DDX10: variants seen among roughly 807,000 people sequenced by gnomAD.
The protein encoded by DDX10 is probable ATP-dependent RNA helicase DDX10.
DDX10 carries 74 observed loss-of-function variants against 104.3 expected under a neutral mutation model. The ratio of observed to expected loss-of-function variants is 0.71; its 90% confidence interval spans 0.59 to 0.86. The LOEUF (loss-of-function observed/expected upper bound fraction) is 0.86. DDX10 is among the 40% of genes least tolerant of loss of function. The pLI is 0.00. For synonymous variants in DDX10, 351 were observed against 353.4 expected, an observed-to-expected ratio of 0.99 and a Z score of 0.08; for missense variants, 952 against 1,040.0, an observed-to-expected ratio of 0.92 and a Z score of 1.16.
chr11:108,668,795 A>C, intron 1 of DDX10, among the ~76,000 whole-genome samples: 1 of 152,202 alleles, frequency 6.6e-6, no homozygotes, highest in Admixed American at 6.5e-5. Context: ...ACGTTATATT[A>C]GTATGCATAA....
At chr11:108,812,205 A>G (rs1862192160) in intron 13 of DDX10, among the ~76,000 whole-genome samples, 1 of 152,216 alleles carries the variant, frequency 6.6e-6, no homozygotes, top group East Asian at 1.9e-4. Flanking sequence ...AACAAAATCA[A>G]TAACTAAGAC....
intron 10 of DDX10, among the ~76,000 whole-genome samples, chr11:108,712,821 C>G (rs1378133418): frequency 6.7e-6 from 1 of 149,818 alleles, no homozygotes; most frequent in Non-Finnish European, 1.5e-5. Flanking sequence ...TTTTTTCTCT[C>G]TAAAGAACTT....
At chr11:108,767,286 C>T (rs753535677) in intron 13 of DDX10, 1 of 152,204 alleles carries the variant, frequency 6.6e-6, no homozygotes, top group Non-Finnish European at 1.5e-5. Context: ...TAAGGAAATT[C>T]ATTTTCTCCA....
chr11:108,804,286 G>C (rs867102589), intron 13 of DDX10, among the ~76,000 whole-genome samples: 6 of 151,952 alleles, frequency 3.9e-5, no homozygotes, highest in African/African-American at 9.7e-5. Flanking sequence ...TTGCTTGAGC[G>C]TAGGGGCTTG....
At chr11:108,708,564 T>A (rs935570527) in intron 10 of DDX10, among the ~76,000 whole-genome samples, 1 of 137,986 alleles carries the variant, frequency 7.2e-6, no homozygotes, top group Non-Finnish European at 1.6e-5. Context: ...AAATTGGTGT[T>A]CATAGTATTT....
intron 6 of DDX10, among the ~76,000 whole-genome samples, chr11:108,680,707 A>T (rs2094233678): frequency 6.6e-6 from 1 of 152,214 alleles, no homozygotes; most frequent in Admixed American, 6.5e-5. Flanking sequence ...TTGCTCTGAA[A>T]TGTTAGCCTA....
chr11:108,735,969 A>C (rs1412029767), intron 13 of DDX10, among the ~76,000 whole-genome samples: 1 of 152,192 alleles, frequency 6.6e-6, no homozygotes, highest in Non-Finnish European at 1.5e-5. Context: ...CTTATAAAAT[A>C]AGTGTAAGAT....
chr11:108,915,598 A>G (rs1863737462), intron 16 of DDX10, among the ~76,000 whole-genome samples: 1 of 152,178 alleles, frequency 6.6e-6, no homozygotes, highest in South Asian at 2.1e-4. Flanking sequence ...TAACCAATGT[A>G]TGATGTTACA....
Position 108,709,402 on chromosome 11 carries a change from G to A in DDX10, c.1322+2565G>A, listed in dbSNP as rs149364708. On this transcript the variant is annotated intron_variant, in intron 10 of 17. Coordinates refer to ENST00000322536, the MANE Select transcript of DDX10 (RefSeq NM_004398.4). ...TAAATGTTTGGTAGAATTTATGGGC[G>A]AGCCCATCCGGGCTTGGTGATTTCT... 3.5e-3 allele frequency among the ~76,000 whole-genome samples: 534 copies of A among 152,322 alleles called. 2 individuals are homozygous for A. The highest frequency in any genetic ancestry group is 0.011 in the African/African-American group (469 of 41,586).
rs572127845 is a variant in DDX10 at position 108,932,236 on chromosome 11, C to T, written c.2451-8010C>T. On this transcript the variant is annotated intron_variant, in intron 17 of 17. Transcript: ENST00000322536. ...TGAAATTTGGCCAACAGGTATAGTTCGCTGACCAGGCTTTCCTATTTAAAG... is the reference window on the plus strand; with the variant it reads ...TGAAATTTGGCCAACAGGTATAGTTTGCTGACCAGGCTTTCCTATTTAAAG... Among the ~76,000 whole-genome samples, 14 of 152,010 alleles carry T rather than the reference C, an allele frequency of 9.2e-5. No homozygotes were observed. The South Asian group carries it at 2.5e-3, about 27-fold the overall frequency.
intron 13 of DDX10, among the ~76,000 whole-genome samples, chr11:108,740,452 A>G (rs922024261): frequency 1.2e-4 from 19 of 152,108 alleles, no homozygotes; most frequent in African/African-American, 4.3e-4. Context: ...GAACATACGT[A>G]TACATGTGTC....
At chr11:108,871,257 T>C (rs961354940) in intron 16 of DDX10, among the ~76,000 whole-genome samples, 8 of 151,974 alleles carry the variant, frequency 5.3e-5, no homozygotes, top group Admixed American at 5.2e-4. Context: ...GTGAAAGGGG[T>C]TGCAGTGACT....
Position 108,897,399 on chromosome 11 carries a change from A to G in DDX10, c.2305-20474A>G, listed in dbSNP as rs549359421. ...CAAAAGCTGTCCATGGAAGGGAAAA[A>G]GATCAATAACAAATGGGTACCCAAA... On this transcript the variant is annotated intron_variant, in intron 16 of 17. Transcript: ENST00000322536. Among the ~76,000 whole-genome samples, 11 of 152,334 alleles carry G rather than the reference A, an allele frequency of 7.2e-5. No individual in the cohort carries two copies. In the South Asian group the frequency reaches 2.3e-3, roughly 32 times the overall value.
chr11:108,712,382 CCT>C (rs2094285588), intron 10 of DDX10, among the ~76,000 whole-genome samples: 1 of 151,800 alleles, frequency 6.6e-6, no homozygotes, highest in Admixed American at 6.6e-5. Context: ...ACTTTTGTCT[CCT>C]CTCTTTCAGC....
At chr11:108,744,879 G>T (rs2094329422) in intron 13 of DDX10, among the ~76,000 whole-genome samples, 1 of 152,158 alleles carries the variant, frequency 6.6e-6, no homozygotes, top group Non-Finnish European at 1.5e-5. Flanking sequence ...TGGAGATTTG[G>T]TAAGTGTCTA....
At chr11:108,918,282 T>G in intron 17 of DDX10, 1 of 424,274 alleles carries the variant, frequency 2.4e-6, no homozygotes, top group South Asian at 8.5e-5. Context: ...GTGTTTTTCC[T>G]TTCTCTATTC....
chr11:108,665,255 G>C lies in DDX10; in HGVS notation c.102G>C (p.Lys34Asn), dbSNP rs759510341. The part of the protein sequence containing the change: ...KKKHSHRQNK[K>N]KQLRKQLKKP... Reference sequence around the variant, plus strand: ...AACACAGCCATAGGCAGAACAAAAAGAAGCAGTTGAGGAAGCAACTGAAGA... The same window carrying C: ...AACACAGCCATAGGCAGAACAAAAACAAGCAGTTGAGGAAGCAACTGAAGA... The change falls in exon 1 of 18, where the codon AAG becomes AAC. Residue 34 changes from lysine to asparagine, a missense_variant. Lys to Asn is a moderately conservative substitution (Grantham distance 94, BLOSUM62 0). This residue lies in a region of DDX10 where 412 missense variants were observed against 479.2 expected (regional missense o/e 0.86). Transcript: ENST00000322536. The C allele has an allele frequency of 6.8e-6, 11 of 1,612,018 alleles. No homozygotes were observed. Among genetic ancestry groups the C allele is most frequent in the Non-Finnish European group, 8.5e-6 (10 of 1,179,072 alleles).
intron 13 of DDX10, among the ~76,000 whole-genome samples, chr11:108,774,061 A>C (rs2094366746): frequency 6.6e-6 from 1 of 152,260 alleles, no homozygotes; most frequent in Admixed American, 6.5e-5. Context: ...CAACAAAAAA[A>C]GCAAATTATT....
chr11:108,857,621 C>T (rs1391855871), intron 16 of DDX10, among the ~76,000 whole-genome samples: 2 of 152,144 alleles, frequency 1.3e-5, no homozygotes, highest in African/African-American at 2.4e-5. Flanking sequence ...GCCATCTCCT[C>T]GCAAACAGTG....
Sources: gnomAD v4.1 joint callset for allele counts (sites outside exome capture counted in the v4.1 genomes callset) on GRCh38, gnomAD v4.1.1 for gene constraint, gnomAD v4.1.1 regional missense constraint, MANE v1.5 for transcripts, NCBI Gene and HGNC (gene_info 2026-07-23, HGNC 2026-07-21) for gene names.